Variants in MED27 observed in about 807,000 individuals in gnomAD.
MED27 encodes the protein mediator of RNA polymerase II transcription subunit 27.
In MED27, 30 loss-of-function variants were observed where a neutral mutation model predicts 38.2. The ratio of observed to expected loss-of-function variants is 0.79; its 90% CI spans 0.59 to 1.07. The LOEUF (loss-of-function observed/expected upper bound fraction) is 1.07, where lower values mean the gene tolerates loss of function less well. Ranked by LOEUF, MED27 falls within the 50% of genes least tolerant of loss-of-function variation. The probability of loss-of-function intolerance (pLI) is 0.00; values close to 1 mark genes in which losing one functional copy is unlikely to be tolerated. For synonymous variants in MED27, 122 were observed against 153.5 expected, an observed-to-expected ratio of 0.79 and a Z score of 1.52; for missense variants, 289 against 397.5, an observed-to-expected ratio of 0.73 and a Z score of 2.32.
At chr9:131,929,761 C>G (rs915993067) in intron 4 of MED27, among the ~76,000 whole-genome samples, 5 of 152,142 alleles carry the variant, frequency 3.3e-5, no homozygotes, top group African/African-American at 1.2e-4. Context: ...GTTTTTGACT[C>G]CAATCCCTGG....
chr9:131,990,865 G>C (rs1222052602), intron 3 of MED27, among the ~76,000 whole-genome samples: 2 of 152,176 alleles, frequency 1.3e-5, no homozygotes, highest in Non-Finnish European at 2.9e-5. Flanking sequence ...TCATAGTCAA[G>C]GGCACATAAC....
intron 3 of MED27, among the ~76,000 whole-genome samples, chr9:131,964,327 A>T (rs1392608141): frequency 3.1e-3 from 373 of 121,260 alleles, no homozygotes; most frequent in African/African-American, 0.011. Context: ...CTGGTGGTGG[A>T]GGTGATGGTG....
In MED27 at chr9:132,040,446, C is replaced by T. The variant is rs1015298009; in HGVS notation, c.349-25979G>A. ...TGGAGAGCGGCTGGCTGGTCTTAGG[C>T]GGCTCCACATGCAGAGAAGGCATCA... On this transcript the variant is annotated intron_variant, in intron 2 of 7. Coordinates refer to ENST00000292035, the MANE Select transcript of MED27 (RefSeq NM_004269.4). Among the ~76,000 whole-genome samples, 14 of 152,078 alleles carry T rather than the reference C, an allele frequency of 9.2e-5. 1 individual carries two copies. Among genetic ancestry groups the T allele is most frequent in the African/African-American group, 2.9e-4 (12 of 41,396 alleles).
intron 3 of MED27, among the ~76,000 whole-genome samples, chr9:132,008,050 C>G (rs1463610704): frequency 6.6e-6 from 1 of 152,196 alleles, no homozygotes; most frequent in Non-Finnish European, 1.5e-5. Flanking sequence ...TGGATATGAA[C>G]ACAGTCACCT....
chr9:132,072,253 T>G (rs1409906267), intron 2 of MED27, among the ~76,000 whole-genome samples: 3 of 152,170 alleles, frequency 2.0e-5, no homozygotes, highest in Non-Finnish European at 1.5e-5. Flanking sequence ...ATGTGCATTA[T>G]CTCAATCTTC....
At chr9:132,018,940 T>C (rs1210379459) in intron 2 of MED27, among the ~76,000 whole-genome samples, 5 of 152,114 alleles carry the variant, frequency 3.3e-5, no homozygotes, top group Non-Finnish European at 5.9e-5. Context: ...TTGCATATAA[T>C]TACATATAAA....
At chr9:131,868,081 G>C (rs950447252) in intron 6 of MED27, among the ~76,000 whole-genome samples, 17 of 152,340 alleles carry the variant, frequency 1.1e-4, no homozygotes, top group Non-Finnish European at 2.2e-4. Flanking sequence ...ACTGTGGGGT[G>C]CCAGGGTGGA....
intron 2 of MED27, among the ~76,000 whole-genome samples, chr9:132,059,269 G>A (rs1470062002): frequency 8.5e-5 from 13 of 152,222 alleles, no homozygotes; most frequent in Admixed American, 8.5e-4. Context: ...GAGAGGGCAA[G>A]AGGAACAGAT....
At chr9:132,043,381 T>TG (rs1317407686) in intron 2 of MED27, among the ~76,000 whole-genome samples, 1 of 145,800 alleles carries the variant, frequency 6.9e-6, no homozygotes, top group Non-Finnish European at 1.5e-5. Context: ...TTCAGTTAGG[T>TG]GGGGTACATT....
intron 4 of MED27, among the ~76,000 whole-genome samples, chr9:131,918,100 A>C (rs773821406): frequency 5.9e-5 from 9 of 152,242 alleles, no homozygotes; most frequent in Non-Finnish European, 1.0e-4. Context: ...TGTAAATGCC[A>C]GCCATTGAAA....
chr9:132,025,782 G>A (rs1259458047), intron 2 of MED27, among the ~76,000 whole-genome samples: 3 of 152,126 alleles, frequency 2.0e-5, no homozygotes, highest in Non-Finnish European at 2.9e-5. Flanking sequence ...ACATGAAAAG[G>A]GCTCAGCAAA....
chr9:131,908,090 G>A lies in MED27; in HGVS notation c.574-14098C>T, dbSNP rs571157647. ...CCACCCGGTCTGGGAAGTGAGGAGC[G>A]TCTCCGCCCGGCAGCCACCCTGTCC... On this transcript the variant is annotated intron_variant, in intron 4 of 7. Coordinates refer to ENST00000292035, the MANE Select transcript of MED27 (RefSeq NM_004269.4). Among the ~76,000 whole-genome samples, 503 of 151,416 alleles carry A rather than the reference G, an allele frequency of 3.3e-3. 6 individuals carry two copies. Among genetic ancestry groups the A allele is most frequent in the Non-Finnish European group, 6.2e-3 (418 of 67,806 alleles).
chr9:132,067,652 C>A (rs1020299678), intron 2 of MED27, among the ~76,000 whole-genome samples: 1 of 152,164 alleles, frequency 6.6e-6, no homozygotes, highest in Non-Finnish European at 1.5e-5. Context: ...GGACTCCAGT[C>A]CTCGCCCCCC....
At chr9:131,969,714 G>A (rs1474360968) in intron 3 of MED27, among the ~76,000 whole-genome samples, 1 of 152,172 alleles carries the variant, frequency 6.6e-6, no homozygotes, top group Non-Finnish European at 1.5e-5. Flanking sequence ...AGAGCTCAGA[G>A]GCTTGAGAGG....
chr9:132,056,846 C>CA (rs1372402664), intron 2 of MED27, among the ~76,000 whole-genome samples: 2 of 152,176 alleles, frequency 1.3e-5, no homozygotes, highest in Admixed American at 1.3e-4. Context: ...GATGCTCTCT[C>CA]AAAAAATGGA....
intron 4 of MED27, among the ~76,000 whole-genome samples, chr9:131,919,811 CTTT>C (rs34501268): frequency 6.4e-5 from 9 of 141,654 alleles, no homozygotes; most frequent in Admixed American, 7.0e-5. Context: ...ATTCTTCTTC[CTTT>C]TTTTTTTTTT....
At chr9:131,959,271 A>AAG (rs1831165073) in intron 3 of MED27, among the ~76,000 whole-genome samples, 1 of 108,584 alleles carries the variant, frequency 9.2e-6, no homozygotes, top group African/African-American at 3.7e-5. Context: ...CTAAATGCGT[A>AAG]AGGCATGGAA....
intron 6 of MED27, among the ~76,000 whole-genome samples, chr9:131,864,091 A>G (rs570528937): frequency 6.6e-6 from 1 of 152,306 alleles, no homozygotes; most frequent in East Asian, 1.9e-4. Flanking sequence ...CAATCAGCAT[A>G]TGAGTAGATT....
At chr9:131,898,988 C>T (rs1345794111) in intron 4 of MED27, among the ~76,000 whole-genome samples, 1 of 152,206 alleles carries the variant, frequency 6.6e-6, no homozygotes, top group Non-Finnish European at 1.5e-5. Flanking sequence ...GCCTAGCTAC[C>T]TACCTTCTCT....
Sources: gnomAD v4.1 joint callset for allele counts (sites outside exome capture counted in the v4.1 genomes callset) on GRCh38, gnomAD v4.1.1 for gene constraint, MANE v1.5 for transcripts, NCBI Gene and HGNC (gene_info 2026-07-23, HGNC 2026-07-21) for gene names.